Variants in CD3G observed in about 807,000 individuals in gnomAD.
The protein encoded by CD3G is T-cell surface glycoprotein CD3 gamma chain.
In CD3G, 24 loss-of-function variants were observed where a neutral mutation model predicts 28.3. The ratio of observed to expected loss-of-function variants is 0.85; its 90% CI spans 0.61 to 1.19. The LOEUF (loss-of-function observed/expected upper bound fraction) is 1.19, where lower values mean the gene tolerates loss of function less well. Ranked by LOEUF, CD3G falls within the 50% of genes most tolerant of loss-of-function variation. The pLI is 0.00. For synonymous variants in CD3G, 71 were observed against 75.9 expected, an observed-to-expected ratio of 0.93 and a Z score of 0.34; for missense variants, 211 against 210.0, an observed-to-expected ratio of 1.00 and a Z score of -0.03.
At chr11:118,349,456 A>G (rs1948385497) in intron 2 of CD3G, 2 of 643,674 alleles carry the variant, frequency 3.1e-6, no homozygotes, top group Non-Finnish European at 5.0e-6. Context: ...CTTCCAAATA[A>G]CATGCCCCAA....
At chr11:118,346,892 G>A (rs1948362258) in intron 1 of CD3G, among the ~76,000 whole-genome samples, 1 of 151,892 alleles carries the variant, frequency 6.6e-6, no homozygotes, top group Admixed American at 6.6e-5. Flanking sequence ...TTAGAATGAG[G>A]GGTCTCTGTC....
Position 118,344,434 on chromosome 11 carries a change from G to A in CD3G, c.11G>A (p.Gly4Glu), listed in dbSNP as rs1483357286. The A allele has an allele frequency of 1.9e-6, 3 of 1,571,308 alleles. No individual in the cohort carries two copies. Among genetic ancestry groups the A allele is most frequent in the Non-Finnish European group, 1.7e-6 (2 of 1,157,636 alleles). Residue 4 changes from glycine (G) to glutamate (E), a missense_variant, in exon 1 of 7, where the codon GGG becomes GAG. By Grantham distance (98) the Gly-to-Glu change is moderately conservative (BLOSUM62 -2). Coordinates refer to ENST00000532917, the MANE Select transcript of CD3G (RefSeq NM_000073.3). The stretch of plus-strand genomic sequence containing the variant: ...AGGACAGAGACTGACATGGAACAGG[G>A]GAAGGGCCTGGCTGTCCTCATCCTG... MEQ[G>E]KGLAVLILAI...
At chr11:118,346,868 T>A (rs952730070) in intron 1 of CD3G, among the ~76,000 whole-genome samples, 7 of 151,570 alleles carry the variant, frequency 4.6e-5, no homozygotes, top group Non-Finnish European at 7.4e-5. Context: ...GCAATCTCCT[T>A]CCCTGAATCC....
Position 118,349,959 on chromosome 11 carries a change from T to C in CD3G, c.296T>C (p.Val99Ala). ...GSQNKSKPLQ[V>A]YYRMCQNCIE... Reference sequence around the variant, plus strand: ...CAGAACAAGTCAAAACCACTCCAAGTGTATTACAGAAGTATGTAATCCCCT... The same window carrying C: ...CAGAACAAGTCAAAACCACTCCAAGCGTATTACAGAAGTATGTAATCCCCT... The change falls in exon 3 of 7, where the codon GTG becomes GCG. Residue 99 changes from valine (V) to alanine (A), a missense_variant. By Grantham distance (64) the Val-to-Ala change is moderately conservative. Coordinates refer to ENST00000532917, the MANE Select transcript of CD3G (RefSeq NM_000073.3). 1 of 1,612,782 alleles carries C rather than the reference T, an allele frequency of 6.2e-7. No individual in the cohort carries two copies. The highest frequency in any genetic ancestry group is 8.5e-7 in the Non-Finnish European group (1 of 1,178,790).
Position 118,349,872 on chromosome 11 carries a change from A to C in CD3G, c.209A>C (p.Lys70Thr), listed in dbSNP as rs944995899. 6.2e-7 allele frequency: 1 copy of C among 1,614,200 alleles called. No individual in the cohort carries two copies. Among genetic ancestry groups the C allele is most frequent in the Non-Finnish European group, 8.5e-7 (1 of 1,180,030 alleles). The change falls in exon 3 of 7, where the codon AAA (lysine) becomes ACA (threonine). Residue 70 changes from lysine to threonine, a missense_variant. By Grantham distance (78) the Lys-to-Thr change is moderately conservative. Transcript: ENST00000532917. Reference sequence around the variant, plus strand: ...ATCGGCTTCCTAACTGAAGATAAAAAAAAATGGAATCTGGGAAGTAATGCC... The same window carrying C: ...ATCGGCTTCCTAACTGAAGATAAAACAAAATGGAATCTGGGAAGTAATGCC... The part of the protein sequence containing the change: ...KMIGFLTEDK[K>T]KWNLGSNAKD...
chr11:118,350,278 C>A (rs1948394566), intron 3 of CD3G: 3 of 571,732 alleles, frequency 5.2e-6, no homozygotes, highest in African/African-American at 3.7e-5. Context: ...GCAGTGAGAA[C>A]TGGAGCGCAG....
Position 118,350,576 on chromosome 11 carries a change from A to G in CD3G, c.332A>G (p.Asn111Ser). Residue 111 changes from asparagine (N) to serine (S), a missense_variant, in exon 4 of 7, where the codon AAT becomes AGT. By Grantham distance (46) the Asn-to-Ser change is conservative (BLOSUM62 1). Transcript: ENST00000532917. ...GTGTGTCAGAACTGCATTGAACTAAATGCAGCCACCATATCTGGCTTTCTC... is the reference window on the plus strand; with the variant it reads ...GTGTGTCAGAACTGCATTGAACTAAGTGCAGCCACCATATCTGGCTTTCTC... ...YRMCQNCIEL[N>S]AATISGFLFA... The G allele has an allele frequency of 6.2e-7, 1 of 1,614,060 alleles. No homozygotes were observed. Among genetic ancestry groups the G allele is most frequent in the Non-Finnish European group, 8.5e-7 (1 of 1,179,960 alleles).
At chr11:118,349,134 G>T in intron 2 of CD3G, 84 bp downstream of exon 2, 1 of 1,613,040 alleles carries the variant, frequency 6.2e-7, no homozygotes, top group South Asian at 1.1e-5. Context: ...CTACAGGAGC[G>T]AACAGTTTAG....
chr11:118,350,449 C>A, intron 3 of CD3G, 103 bp from the exon 4 acceptor site: 1 of 859,940 alleles, frequency 1.2e-6, no homozygotes, highest in African/African-American at 1.6e-5. Flanking sequence ...AGAGGAAAAG[C>A]CTGCTGCCCT....
Position 118,353,261 on chromosome 11 carries a change from T to C in CD3G, c.*161T>C, listed in dbSNP as rs1948425035. The stretch of plus-strand genomic sequence containing the variant: ...GAGAAGAAAGGCCATCAGAGCAAAT[T>C]TGGGGGTTTCTCAAATAAAATAAAA... On this transcript the variant is annotated 3_prime_UTR_variant, in exon 7 of 7. Coordinates refer to ENST00000532917, the MANE Select transcript of CD3G (RefSeq NM_000073.3). The C allele has an allele frequency of 6.6e-6, 1 of 152,022 alleles. No individual in the cohort carries two copies. Among genetic ancestry groups the C allele is most frequent in the Admixed American group, 6.6e-5 (1 of 15,250 alleles). The allele number at this position is 152,022 out of a possible 1,614,324, so 9.4% of individuals were successfully genotyped here. A position where few individuals can be genotyped will look rare whatever the true frequency, so the allele number is the denominator to read the frequency against.
At chr11:118,352,543 A>G in intron 6 of CD3G, 56 bp downstream of exon 6, 2 of 1,155,742 alleles carry the variant, frequency 1.7e-6, no homozygotes, top group Non-Finnish European at 1.3e-6. Context: ...TGCCCTCGCA[A>G]TTGCTTCTAA....
At chr11:118,349,304 G>C (rs1948384055) in intron 2 of CD3G, 1 of 1,413,932 alleles carries the variant, frequency 7.1e-7, no homozygotes, top group South Asian at 1.5e-5. Context: ...ATCTCAAACT[G>C]TGACCCATGA....
Position 118,344,446 on chromosome 11 carries a change from C to T in CD3G, c.23C>T (p.Ala8Val), listed in dbSNP as rs1451202565. 6.4e-7 allele frequency: 1 copy of T among 1,572,132 alleles called. No individual in the cohort carries two copies. Among genetic ancestry groups the T allele is most frequent in the East Asian group, 2.3e-5 (1 of 43,200 alleles). Residue 8 changes from alanine to valine, a missense_variant, in exon 1 of 7, where the codon GCT (alanine) becomes GTT (valine). Transcript: ENST00000532917. ...GACATGGAACAGGGGAAGGGCCTGG[C>T]TGTCCTCATCCTGGCTATCATTCTT... MEQGKGL[A>V]VLILAIILLQ... is the part of the protein sequence containing the mutation.
chr11:118,346,840 A>C (rs1318667740), intron 1 of CD3G, among the ~76,000 whole-genome samples: 5 of 147,920 alleles, frequency 3.4e-5, no homozygotes, highest in South Asian at 2.3e-4. Flanking sequence ...AAAAAAAAAA[A>C]CTATGTCAAT....
chr11:118,344,586 G>C (rs1948338258), intron 1 of CD3G, 108 bp downstream of exon 1: 1 of 971,240 alleles, frequency 1.0e-6, no homozygotes. Flanking sequence ...TACCTCTGCT[G>C]TCACCTTAGA....
intron 5 of CD3G, among the ~76,000 whole-genome samples, 172 bp from the exon 6 acceptor site, chr11:118,352,232 G>C (rs1459666674): frequency 6.6e-6 from 1 of 151,382 alleles, no homozygotes; most frequent in Non-Finnish European, 1.5e-5. Context: ...AAAAAAGAGA[G>C]AGAGAGAAAA....
At chr11:118,352,120 G>T (rs1397524703) in intron 5 of CD3G, among the ~76,000 whole-genome samples, 1 of 152,010 alleles carries the variant, frequency 6.6e-6, no homozygotes, top group Non-Finnish European at 1.5e-5. Flanking sequence ...GGAGGCTGAG[G>T]CAGGAGGACC....
At chr11:118,351,152 A>T (rs1436255464) in intron 4 of CD3G, among the ~76,000 whole-genome samples, 1 of 140,520 alleles carries the variant, frequency 7.1e-6, no homozygotes, top group East Asian at 2.1e-4. Flanking sequence ...GTGCCACTGC[A>T]CTCCAGCCTG....
intron 6 of CD3G, among the ~76,000 whole-genome samples, 192 bp downstream of exon 6, chr11:118,352,679 T>C (rs554291280): frequency 1.3e-4 from 20 of 152,342 alleles, no homozygotes; most frequent in Admixed American, 1.3e-4. Context: ...TAGGTAAATA[T>C]GAATTTTATG....
Sources: gnomAD v4.1 joint callset for allele counts (sites outside exome capture counted in the v4.1 genomes callset) on GRCh38, gnomAD v4.1.1 for gene constraint, MANE v1.5 for transcripts, NCBI Gene and HGNC (gene_info 2026-07-23, HGNC 2026-07-21) for gene names.